Variants in TNFRSF8 observed in about 807,000 individuals in gnomAD.
TNFRSF8 encodes TNF receptor superfamily member 8.
In TNFRSF8, 26 loss-of-function variants were observed where a neutral mutation model predicts 70.8. That is an observed-to-expected ratio of 0.37 (90% CI 0.27 to 0.51). The LOEUF (loss-of-function observed/expected upper bound fraction) is 0.51. Among genes scored for constraint, TNFRSF8 ranks in the 20% least tolerant of loss-of-function variants. The pLI, the probability that TNFRSF8 is intolerant of heterozygous loss-of-function variation, is 0.94. For synonymous variants in TNFRSF8, 356 were observed against 339.2 expected, an observed-to-expected ratio of 1.05 and a Z score of -0.54; for missense variants, 720 against 807.9, an observed-to-expected ratio of 0.89 and a Z score of 1.32.
chr1:12,134,120 C>T (rs1333667054), intron 12 of TNFRSF8, among the ~76,000 whole-genome samples: 5 of 152,172 alleles, frequency 3.3e-5, no homozygotes, highest in Non-Finnish European at 7.3e-5. Context: ...GTCAGTCTTG[C>T]GTATACTTTA....
At chr1:12,089,999 A>G (rs1185403314) in intron 2 of TNFRSF8, among the ~76,000 whole-genome samples, 2 of 148,362 alleles carry the variant, frequency 1.3e-5, no homozygotes, top group Admixed American at 6.7e-5. Flanking sequence ...CCATTCATCT[A>G]TCTACCCATC....
rs1249907844 is a variant in TNFRSF8 at position 12,138,277 on chromosome 1, G to A, written c.1384G>A (p.Gly462Arg). 6.2e-7 allele frequency: 1 copy of A among 1,613,586 alleles called. No individual in the cohort carries two copies. Among genetic ancestry groups the A allele is most frequent in the East Asian group, 2.2e-5 (1 of 44,878 alleles). ...GACAGAACCCGTCGCGGAAGAGCGAGGGTTAATGAGCCAGCCACTGATGGA... is the reference window on the plus strand; with the variant it reads ...GACAGAACCCGTCGCGGAAGAGCGAAGGTTAATGAGCCAGCCACTGATGGA... ...SVTEPVAEER[G>R]LMSQPLMETC... Residue 462 changes from glycine (G) to arginine (R), a missense_variant, in exon 14 of 15, where the codon GGG becomes AGG. Coordinates refer to ENST00000263932, the MANE Select transcript of TNFRSF8 (RefSeq NM_001243.5). This position sits in a 1 kb window ranked among gnomAD's most constrained non-coding sequence, Gnocchi z 5.7.
intron 12 of TNFRSF8, 116 bp downstream of exon 12, chr1:12,126,352 C>T: frequency 8.4e-7 from 1 of 1,197,442 alleles, no homozygotes; most frequent in Non-Finnish European, 1.2e-6. Flanking sequence ...AGCTCCCTGT[C>T]TGTGGCTCCT....
At chr1:12,079,447 C>G (rs377013348) in intron 1 of TNFRSF8, among the ~76,000 whole-genome samples, 1 of 152,158 alleles carries the variant, frequency 6.6e-6, no homozygotes, top group African/African-American at 2.4e-5. Flanking sequence ...GGCAAGGGCC[C>G]GAGCACATCC....
chr1:12,114,088 G>GTGGT (rs1376842954), intron 7 of TNFRSF8, among the ~76,000 whole-genome samples: 2 of 152,162 alleles, frequency 1.3e-5, no homozygotes, highest in Non-Finnish European at 2.9e-5. Context: ...AGGCAGTGGA[G>GTGGT]TGGTGTATTA....
intron 1 of TNFRSF8, chr1:12,080,313 CCTT>C (rs1333791422): frequency 1.9e-6 from 1 of 524,212 alleles, no homozygotes; most frequent in Non-Finnish European, 3.8e-6. Flanking sequence ...GGAACATATG[CCTT>C]CTTCTCTCCA....
chr1:12,069,170 C>CTT (rs57009728), intron 1 of TNFRSF8, among the ~76,000 whole-genome samples: 16 of 53,578 alleles, frequency 3.0e-4, no homozygotes, highest in Non-Finnish European at 2.6e-4. Flanking sequence ...TGCACCCGGC[C>CTT]TTTTTTTTTT....
At chr1:12,069,780 G>A (rs1640810631) in intron 1 of TNFRSF8, among the ~76,000 whole-genome samples, 1 of 152,228 alleles carries the variant, frequency 6.6e-6, no homozygotes, top group Non-Finnish European at 1.5e-5. Flanking sequence ...CCACAGGGGT[G>A]ACAGTCAACA....
intron 1 of TNFRSF8, among the ~76,000 whole-genome samples, chr1:12,075,842 C>G (rs1021908213): frequency 6.6e-6 from 1 of 152,186 alleles, no homozygotes; most frequent in African/African-American, 2.4e-5. Flanking sequence ...TCAGCATGAC[C>G]ATAAACCACA....
At chr1:12,087,657 C>T (rs113898601) in intron 2 of TNFRSF8, among the ~76,000 whole-genome samples, 2 of 152,272 alleles carry the variant, frequency 1.3e-5, no homozygotes, top group African/African-American at 4.8e-5. Context: ...TGGAGTGGCC[C>T]ACAGTGTTCT....
Position 12,126,297 on chromosome 1 carries a change from C to A in TNFRSF8, c.1309+61C>A. On this transcript the variant is annotated intron_variant, in intron 12 of 14. Transcript: ENST00000263932. The stretch of plus-strand genomic sequence containing the variant: ...CAGAGGAACACAGGGCAGCTCTGGG[C>A]CCGGGGCGTGGGCTCCAGAGACTGA... 1.9e-6 allele frequency: 3 copies of A among 1,594,836 alleles called. No individual in the cohort carries two copies. The South Asian group carries it at 3.3e-5, about 18-fold the overall frequency.
chr1:12,092,158 ATTTAT>A (rs1439566092), intron 2 of TNFRSF8, among the ~76,000 whole-genome samples: 3 of 151,372 alleles, frequency 2.0e-5, no homozygotes, highest in African/African-American at 4.9e-5. Context: ...CCCTTTTCTT[ATTTAT>A]TTTATTTCAT....
intron 7 of TNFRSF8, among the ~76,000 whole-genome samples, chr1:12,115,214 G>A (rs1031611323): frequency 1.3e-5 from 2 of 152,142 alleles, no homozygotes; most frequent in Admixed American, 6.5e-5. Context: ...AAAGTGCATA[G>A]ATTAAAGGAT....
chr1:12,075,129 A>G (rs1294424623), intron 1 of TNFRSF8, among the ~76,000 whole-genome samples: 5 of 152,086 alleles, frequency 3.3e-5, no homozygotes, highest in Non-Finnish European at 7.4e-5. Flanking sequence ...CTGTAATCCC[A>G]GCTACTCGGG....
At position 12,112,729 on chromosome 1, in the gene TNFRSF8, A is replaced by C. The variant is rs1641654830; in HGVS notation, c.793+715A>C. Among the ~76,000 whole-genome samples, 1 of 152,174 alleles carries C rather than the reference A, an allele frequency of 6.6e-6. No homozygotes were observed. Among genetic ancestry groups the C allele is most frequent in the Non-Finnish European group, 1.5e-5 (1 of 68,024 alleles). ...GTTTTGACAAGCACTTACTGAGTGC[A>C]CAGACACAGCACGATGCAGGTGTGG... On this transcript the variant is annotated intron_variant, in intron 7 of 14. Coordinates refer to ENST00000263932, the MANE Select transcript of TNFRSF8 (RefSeq NM_001243.5). This position sits in a 1 kb window ranked among gnomAD's most constrained non-coding sequence, Gnocchi z 5.3.
rs901431137 is a variant in TNFRSF8 at position 12,110,469 on chromosome 1, G to A, written c.676+265G>A. Among the ~76,000 whole-genome samples the A allele has an allele frequency of 6.6e-6, 1 of 152,176 alleles. No individual in the cohort carries two copies. The highest frequency in any genetic ancestry group is 1.9e-4 in the East Asian group (1 of 5,198). ...CATCTCTCCCTCTATTTCCCTCTAC[G>A]TTGGTTTGTCAGAGGGAAATGGGTC... is the stretch of plus-strand genomic sequence containing the variant. On this transcript the variant is annotated intron_variant, in intron 6 of 14. Coordinates refer to ENST00000263932, the MANE Select transcript of TNFRSF8 (RefSeq NM_001243.5). This position sits in a 1 kb window ranked among gnomAD's most constrained non-coding sequence, Gnocchi z 4.0.
At chr1:12,070,713 G>A (rs564738076) in intron 1 of TNFRSF8, among the ~76,000 whole-genome samples, 4 of 152,198 alleles carry the variant, frequency 2.6e-5, no homozygotes, top group South Asian at 2.1e-4. Flanking sequence ...GATCCTGTCC[G>A]TATTTGGGAG....
chr1:12,111,711 C>G (rs1001250325), intron 6 of TNFRSF8, among the ~76,000 whole-genome samples, 187 bp from the exon 7 acceptor site: 1 of 152,108 alleles, frequency 6.6e-6, no homozygotes, highest in African/African-American at 2.4e-5. Context: ...ACCCTCCTCT[C>G]GTGTGGAATG....
rs112310793 is a variant in TNFRSF8 at position 12,108,088 on chromosome 1, T to A, written c.422-1478T>A. Among the ~76,000 whole-genome samples the A allele has an allele frequency of 0.028, 4,197 of 151,236 alleles. 214 individuals are homozygous for A. The highest frequency in any genetic ancestry group is 0.091 in the African/African-American group (3,741 of 41,196). The stretch of plus-strand genomic sequence containing the variant: ...TACAGGCCACCATTTTTTTATTTTT[T>A]TTTTTTTTGTGATGGAGCCTCGATC... On this transcript the variant is annotated intron_variant, in intron 4 of 14. Coordinates refer to ENST00000263932, the MANE Select transcript of TNFRSF8 (RefSeq NM_001243.5). This position sits in a 1 kb window ranked among gnomAD's most constrained non-coding sequence, Gnocchi z 4.0.
Sources: gnomAD v4.1 joint callset for allele counts (sites outside exome capture counted in the v4.1 genomes callset) on GRCh38, gnomAD v4.1.1 for gene constraint, Gnocchi (gnomAD v3.1) non-coding constraint, MANE v1.5 for transcripts, NCBI Gene and HGNC (gene_info 2026-07-23, HGNC 2026-07-21) for gene names.